The following SLC22A15 variants were observed in gnomAD, a reference collection of about 807,000 sequenced individuals.
The protein encoded by SLC22A15 is solute carrier family 22 member 15, also known as flipt 1.
SLC22A15 carries 45 observed loss-of-function variants against 62.7 expected under a neutral mutation model. The ratio of observed to expected loss-of-function variants is 0.72; its 90% CI spans 0.56 to 0.92. The LOEUF is 0.92. Ranked by LOEUF, SLC22A15 falls within the 40% of genes least tolerant of loss-of-function variation. The pLI is 0.00. For synonymous variants in SLC22A15, 264 were observed against 267.0 expected (o/e 0.99, Z 0.11); for missense variants, 622 against 665.6 (o/e 0.93, Z 0.72).
chr1:116,052,927 C>G (rs920436010), intron 8 of SLC22A15, among the ~76,000 whole-genome samples: 5 of 151,916 alleles, frequency 3.3e-5, no homozygotes, highest in Non-Finnish European at 7.4e-5. Flanking sequence ...CATCAAAGAC[C>G]AAAAGTAGAT....
chr1:115,982,182 C>T (rs187699303), intron 1 of SLC22A15, among the ~76,000 whole-genome samples: 16 of 152,314 alleles, frequency 1.1e-4, no homozygotes, highest in African/African-American at 3.8e-4. Flanking sequence ...ATGCACACAG[C>T]TCGGGACTCT....
chr1:116,065,271 A>T (rs1200147059), intron 10 of SLC22A15, among the ~76,000 whole-genome samples: 1 of 152,022 alleles, frequency 6.6e-6, no homozygotes, highest in African/African-American at 2.4e-5. Flanking sequence ...TGCCATTATA[A>T]CCTTTTCATT....
intron 2 of SLC22A15, among the ~76,000 whole-genome samples, chr1:116,014,966 A>G (rs1656452506): frequency 6.6e-6 from 1 of 152,194 alleles, no homozygotes; most frequent in Non-Finnish European, 1.5e-5. Flanking sequence ...ACATTTTCTC[A>G]AATACTATAG....
intron 1 of SLC22A15, among the ~76,000 whole-genome samples, chr1:115,977,277 G>A (rs1157669549): frequency 6.6e-6 from 1 of 152,162 alleles, no homozygotes; most frequent in Non-Finnish European, 1.5e-5. Flanking sequence ...TTTAAGTTCT[G>A]CTGGCTCATT....
intron 2 of SLC22A15, among the ~76,000 whole-genome samples, chr1:116,005,510 A>G (rs1317767384): frequency 6.6e-6 from 1 of 152,208 alleles, no homozygotes; most frequent in East Asian, 1.9e-4. Flanking sequence ...TACAGTATAT[A>G]CATTTATTAA....
At chr1:116,036,284 C>A (rs1196911869) in intron 7 of SLC22A15, among the ~76,000 whole-genome samples, 3 of 152,128 alleles carry the variant, frequency 2.0e-5, no homozygotes, top group Admixed American at 1.3e-4. Flanking sequence ...ACCTCTGGGG[C>A]CACTTAAAAG....
At chr1:116,050,394 C>A (rs1570768054) in intron 8 of SLC22A15, among the ~76,000 whole-genome samples, 1 of 152,130 alleles carries the variant, frequency 6.6e-6, no homozygotes, top group South Asian at 2.1e-4. Context: ...AGATAATCCA[C>A]CATGATCAAG....
intron 5 of SLC22A15, 39 bp from the exon 6 acceptor site, chr1:116,031,327 C>G: frequency 6.7e-7 from 1 of 1,494,988 alleles, no homozygotes; most frequent in Non-Finnish European, 9.2e-7. Flanking sequence ...TGCACGTGTA[C>G]CTATATGAAT....
chr1:116,007,212 G>A (rs1216350427), intron 2 of SLC22A15, among the ~76,000 whole-genome samples: 2 of 152,172 alleles, frequency 1.3e-5, no homozygotes, highest in African/African-American at 2.4e-5. Flanking sequence ...GCTCCAAGAT[G>A]TATCCAGAAC....
chr1:115,999,727 C>T (rs1464249580), intron 2 of SLC22A15, among the ~76,000 whole-genome samples: 1 of 152,044 alleles, frequency 6.6e-6, no homozygotes, highest in African/African-American at 2.4e-5. Context: ...TGGTCTTGAA[C>T]TCTTGAGCTC....
intron 1 of SLC22A15, among the ~76,000 whole-genome samples, chr1:115,981,815 C>T (rs1654625511): frequency 6.6e-6 from 1 of 152,164 alleles, no homozygotes; most frequent in Non-Finnish European, 1.5e-5. Flanking sequence ...TGTGCCTTGA[C>T]AGTGAAGGTA....
At chr1:116,050,266 C>T (rs1289590320) in intron 8 of SLC22A15, among the ~76,000 whole-genome samples, 1 of 152,096 alleles carries the variant, frequency 6.6e-6, no homozygotes, top group African/African-American at 2.4e-5. Flanking sequence ...CACCCTAATA[C>T]CAAAACCAGG....
intron 2 of SLC22A15, among the ~76,000 whole-genome samples, chr1:115,992,754 T>G (rs1380432660): frequency 1.3e-5 from 2 of 151,740 alleles, no homozygotes; most frequent in African/African-American, 4.8e-5. Flanking sequence ...CCCGAGTAGC[T>G]GAGATTACAG....
intron 2 of SLC22A15, among the ~76,000 whole-genome samples, chr1:116,000,931 C>T (rs954734355): frequency 3.3e-5 from 5 of 152,048 alleles, no homozygotes; most frequent in African/African-American, 1.2e-4. Flanking sequence ...CATGCCCGGC[C>T]GACCTTCCTG....
intron 2 of SLC22A15, among the ~76,000 whole-genome samples, chr1:116,008,672 G>A (rs1353615844): frequency 6.6e-6 from 1 of 152,232 alleles, no homozygotes; most frequent in East Asian, 1.9e-4. Context: ...CTGCTTGAGA[G>A]TGCTTTGGGC....
chr1:116,058,669 A>T (rs1391179968), intron 8 of SLC22A15, among the ~76,000 whole-genome samples: 1 of 152,248 alleles, frequency 6.6e-6, no homozygotes, highest in African/African-American at 2.4e-5. Flanking sequence ...TTGCACATGC[A>T]TGTTTATAGC....
intron 8 of SLC22A15, 76 bp from the exon 9 acceptor site, chr1:116,062,686 C>A (rs1385278779): frequency 6.4e-7 from 1 of 1,559,592 alleles, no homozygotes; most frequent in African/African-American, 1.4e-5. Flanking sequence ...CCACCTGCTC[C>A]ATCAAAATGA....
chr1:116,039,396 G>A (rs1176806877), intron 8 of SLC22A15, among the ~76,000 whole-genome samples: 1 of 152,070 alleles, frequency 6.6e-6, no homozygotes, highest in Non-Finnish European at 1.5e-5. Context: ...AGTTGGGCAT[G>A]GTGGCGGGTG....
chr1:116,065,678 T>C (rs1329300885), intron 10 of SLC22A15, among the ~76,000 whole-genome samples: 1 of 152,014 alleles, frequency 6.6e-6, no homozygotes, highest in African/African-American at 2.4e-5. Context: ...CACCTCCTTC[T>C]CCATCATCTC....
Sources: gnomAD v4.1 joint callset for allele counts (sites outside exome capture counted in the v4.1 genomes callset) on GRCh38, gnomAD v4.1.1 for gene constraint, MANE v1.5 for transcripts, NCBI Gene and HGNC (gene_info 2026-07-23, HGNC 2026-07-21) for gene names.